Variants in SCHIP1 observed in about 807,000 individuals in gnomAD.
SCHIP1 encodes schwannomin-interacting protein 1.
In SCHIP1, 8 loss-of-function variants were observed where a neutral mutation model predicts 29.7. That is an observed-to-expected ratio of 0.27 (90% confidence interval 0.16 to 0.49). The LOEUF (loss-of-function observed/expected upper bound fraction) is 0.49, where lower values mean the gene tolerates loss of function less well. SCHIP1 is among the 20% of genes least tolerant of loss of function. SCHIP1 has a pLI of 0.99. For missense variants in SCHIP1, 193 were observed against 294.6 expected, an observed-to-expected ratio of 0.66 and a Z score of 2.52; for synonymous variants, 76 against 94.9, an observed-to-expected ratio of 0.80 and a Z score of 1.16.
chr3:159,538,759 C>A, the SCHIP1 span, among the ~76,000 whole-genome samples: 2 of 152,116 alleles, frequency 1.3e-5, no homozygotes, highest in African/African-American at 4.8e-5. Flanking sequence ...TATAACTGCC[C>A]ACAGTTTCAT....
chr3:159,467,964 T>A, the SCHIP1 span, among the ~76,000 whole-genome samples: 2 of 152,302 alleles, frequency 1.3e-5, no homozygotes, highest in East Asian at 3.9e-4. Flanking sequence ...AATCATGGGT[T>A]GTCTTGTTTT....
At chr3:159,679,302 T>C in the SCHIP1 span, among the ~76,000 whole-genome samples, 2 of 151,990 alleles carry the variant, frequency 1.3e-5, no homozygotes, top group South Asian at 4.1e-4. Context: ...AAGACAAAAA[T>C]GGAACAAGGA....
At chr3:159,626,815 C>T in the SCHIP1 span, among the ~76,000 whole-genome samples, 12 of 152,162 alleles carry the variant, frequency 7.9e-5, no homozygotes, top group Non-Finnish European at 1.5e-4. Flanking sequence ...TTTGTACATG[C>T]ATTGGGATTG....
chr3:159,733,785 A>G, the SCHIP1 span, among the ~76,000 whole-genome samples: 1 of 152,208 alleles, frequency 6.6e-6, no homozygotes, highest in Non-Finnish European at 1.5e-5. Flanking sequence ...ATTTGTTAGT[A>G]TAAGGGTTCC....
At chr3:159,877,678 G>A (rs962743636) in intron 2 of SCHIP1, among the ~76,000 whole-genome samples, 7 of 152,190 alleles carry the variant, frequency 4.6e-5, no homozygotes, top group East Asian at 1.9e-4. Context: ...CCGCTGTCAT[G>A]TTTTTTACCC....
At chr3:159,531,137 A>G in the SCHIP1 span, among the ~76,000 whole-genome samples, 1 of 152,190 alleles carries the variant, frequency 6.6e-6, no homozygotes, top group East Asian at 1.9e-4. Context: ...TAATTGATAA[A>G]ACCTTTATGG....
the SCHIP1 span, among the ~76,000 whole-genome samples, chr3:159,495,535 C>A: frequency 6.6e-6 from 1 of 152,024 alleles, no homozygotes; most frequent in South Asian, 2.1e-4. Context: ...AAATACCTAG[C>A]AATCCAACTT....
chr3:159,763,320 G>C, the SCHIP1 span, among the ~76,000 whole-genome samples: 1 of 151,980 alleles, frequency 6.6e-6, no homozygotes, highest in African/African-American at 2.4e-5. Flanking sequence ...TCCTTCACAG[G>C]GTCACTCGGG....
chr3:159,578,814 CTCTTA>C, the SCHIP1 span, among the ~76,000 whole-genome samples: 14 of 152,220 alleles, frequency 9.2e-5, no homozygotes, highest in Non-Finnish European at 1.3e-4. Context: ...TTCTCCCTTC[CTCTTA>C]TAAGAACCCT....
the SCHIP1 span, among the ~76,000 whole-genome samples, chr3:159,738,022 T>G: frequency 1.1e-3 from 167 of 152,332 alleles, 3 homozygotes; most frequent in South Asian, 2.1e-3. Flanking sequence ...AACAATAAAT[T>G]TATTTCCTTG....
the SCHIP1 span, chr3:159,273,253 T>A: frequency 1.0e-6 from 1 of 985,538 alleles, no homozygotes; most frequent in Non-Finnish European, 1.2e-6. Context: ...CAGAAAGAGA[T>A]AATCTGTGAA....
At chr3:159,399,911 CCA>C in the SCHIP1 span, among the ~76,000 whole-genome samples, 1 of 152,182 alleles carries the variant, frequency 6.6e-6, no homozygotes, top group Non-Finnish European at 1.5e-5. Context: ...CTCCTGACCT[CCA>C]GTGATCATCC....
At chr3:159,375,400 G>A in the SCHIP1 span, among the ~76,000 whole-genome samples, 9 of 152,314 alleles carry the variant, frequency 5.9e-5, no homozygotes, top group Admixed American at 1.3e-4. Context: ...CATGTGCAAT[G>A]TCACAGCAGT....
the SCHIP1 span, among the ~76,000 whole-genome samples, chr3:159,546,503 C>G: frequency 5.3e-5 from 8 of 151,990 alleles, no homozygotes; most frequent in African/African-American, 1.9e-4. Flanking sequence ...TGCTGCACCT[C>G]TCAACCCATC....
the SCHIP1 span, among the ~76,000 whole-genome samples, chr3:159,743,760 G>C: frequency 4.9e-4 from 74 of 152,206 alleles, no homozygotes; most frequent in African/African-American, 1.7e-3. Flanking sequence ...TGACTGTGTC[G>C]ATGTCAGTAC....
the SCHIP1 span, among the ~76,000 whole-genome samples, chr3:159,601,769 T>G: frequency 6.6e-6 from 1 of 152,204 alleles, no homozygotes; most frequent in East Asian, 1.9e-4. Context: ...TTTCCCACAG[T>G]GTAGTACTCC....
At chr3:159,644,807 G>A in the SCHIP1 span, among the ~76,000 whole-genome samples, 14 of 152,070 alleles carry the variant, frequency 9.2e-5, no homozygotes, top group African/African-American at 2.4e-4. Flanking sequence ...ATTCTGCAAC[G>A]TGGGAAAGAG....
chr3:159,399,206 C>T, the SCHIP1 span, among the ~76,000 whole-genome samples: 2 of 152,304 alleles, frequency 1.3e-5, no homozygotes, highest in South Asian at 2.1e-4. Flanking sequence ...TTCTCCTTCT[C>T]AATGTGGCCT....
the SCHIP1 span, among the ~76,000 whole-genome samples, chr3:159,723,734 T>C: frequency 2.0e-5 from 3 of 152,198 alleles, no homozygotes; most frequent in African/African-American, 7.2e-5. Flanking sequence ...GAGGCTAATC[T>C]ATTGGCACTC....
Sources: allele counts gnomAD v4.1 joint callset (sites outside exome capture counted in the v4.1 genomes callset), GRCh38; gene constraint gnomAD v4.1.1; transcripts MANE v1.5; gene names NCBI Gene and HGNC (gene_info 2026-07-23, HGNC 2026-07-21).